Variants in PLEKHG1 observed in about 807,000 individuals in gnomAD.
The protein encoded by PLEKHG1 is pleckstrin homology domain-containing family G member 1.
Under a neutral mutation model 100.8 loss-of-function variants are expected in PLEKHG1, and 44 were observed. The ratio of observed to expected loss-of-function variants is 0.44; its 90% CI spans 0.34 to 0.56. The LOEUF (loss-of-function observed/expected upper bound fraction) is 0.56. Ranked by LOEUF, PLEKHG1 falls within the 20% of genes least tolerant of loss-of-function variation. PLEKHG1 has a pLI of 0.01. For synonymous variants in PLEKHG1, 640 were observed against 662.5 expected (o/e 0.97, Z 0.52); for missense variants, 1,545 against 1,720.9 (o/e 0.90, Z 1.81).
chr6:150,634,259 A>AAG (rs1168439899), intron 1 of PLEKHG1, among the ~76,000 whole-genome samples: 3 of 150,680 alleles, frequency 2.0e-5, no homozygotes, highest in Non-Finnish European at 4.4e-5. Flanking sequence ...CCAAAAAAAA[A>AAG]AAAGAAAAAA....
intron 3 of PLEKHG1, among the ~76,000 whole-genome samples, chr6:150,710,253 C>T (rs1301608033): frequency 3.3e-5 from 5 of 152,194 alleles, no homozygotes; most frequent in Non-Finnish European, 7.3e-5. Flanking sequence ...CTCAAATGCA[C>T]ATGGTCAGTT....
chr6:150,722,252 A>AT (rs1781720601), intron 1 of PLEKHG1, among the ~76,000 whole-genome samples: 1 of 149,986 alleles, frequency 6.7e-6, no homozygotes, highest in Non-Finnish European at 1.5e-5. Flanking sequence ...ACATTTAATC[A>AT]TTTTACATTG....
intron 3 of PLEKHG1, among the ~76,000 whole-genome samples, chr6:150,784,753 A>T (rs1384933793): frequency 6.6e-6 from 1 of 152,196 alleles, no homozygotes; most frequent in Admixed American, 6.5e-5. Context: ...AATGGTCTTT[A>T]TCTTGAAAAA....
intron 3 of PLEKHG1, among the ~76,000 whole-genome samples, chr6:150,708,761 A>G (rs754253502): frequency 6.6e-6 from 1 of 152,244 alleles, no homozygotes; most frequent in African/African-American, 2.4e-5. Context: ...CTGCTGTGCT[A>G]CTGCTATGTC....
intron 3 of PLEKHG1, among the ~76,000 whole-genome samples, chr6:150,682,882 G>C (rs985366758): frequency 2.0e-5 from 3 of 152,182 alleles, no homozygotes; most frequent in Admixed American, 6.5e-5. Context: ...AGCTCCTGGA[G>C]CACCACCCAC....
intron 2 of PLEKHG1, among the ~76,000 whole-genome samples, chr6:150,648,266 C>G (rs532003725): frequency 2.6e-5 from 4 of 152,066 alleles, no homozygotes; most frequent in Admixed American, 2.0e-4. Flanking sequence ...TATTCAACCT[C>G]GTCACCTGCT....
At chr6:150,623,995 T>C (rs1777412720) in intron 1 of PLEKHG1, among the ~76,000 whole-genome samples, 1 of 152,216 alleles carries the variant, frequency 6.6e-6, no homozygotes, top group Non-Finnish European at 1.5e-5. Context: ...TAACGCCTTA[T>C]CAGATTAATG....
intron 3 of PLEKHG1, among the ~76,000 whole-genome samples, chr6:150,697,306 A>G (rs6929935): frequency 0.07 from 10,658 of 152,016 alleles, 456 homozygotes; most frequent in South Asian, 0.17. Context: ...ACCAAAGAGC[A>G]TGTCATGTTG....
chr6:150,609,136 A>G (rs1474962971), intron 1 of PLEKHG1, among the ~76,000 whole-genome samples: 1 of 152,222 alleles, frequency 6.6e-6, no homozygotes, highest in South Asian at 2.1e-4. Flanking sequence ...TGACTGTAGT[A>G]GAGACCCAAT....
intron 14 of PLEKHG1, among the ~76,000 whole-genome samples, chr6:150,824,553 G>A (rs901786723): frequency 2.0e-5 from 3 of 149,322 alleles, no homozygotes; most frequent in African/African-American, 5.0e-5. Flanking sequence ...ACTGGATCTC[G>A]CTCTGTTGCC....
chr6:150,830,103 C>T (rs1776831874), intron 14 of PLEKHG1, among the ~76,000 whole-genome samples: 1 of 152,102 alleles, frequency 6.6e-6, no homozygotes, highest in African/African-American at 2.4e-5. Flanking sequence ...TGGGGTTAGA[C>T]CTGGGTTCTA....
At chr6:150,697,816 A>C (rs1219257248) in intron 3 of PLEKHG1, among the ~76,000 whole-genome samples, 1 of 152,214 alleles carries the variant, frequency 6.6e-6, no homozygotes, top group African/African-American at 2.4e-5. Flanking sequence ...GGAATCACAA[A>C]TGTCCCCACA....
intron 3 of PLEKHG1, among the ~76,000 whole-genome samples, chr6:150,713,935 T>A (rs766456219): frequency 1.3e-4 from 20 of 152,356 alleles, no homozygotes; most frequent in Middle Eastern, 3.4e-3. Context: ...TGGCTGTTAC[T>A]CTGAAACTAT....
chr6:150,788,191 A>C (rs1161495473), intron 4 of PLEKHG1, among the ~76,000 whole-genome samples: 1 of 152,260 alleles, frequency 6.6e-6, no homozygotes, highest in Non-Finnish European at 1.5e-5. Context: ...AAGTTTAATT[A>C]GAAGACTGAC....
At chr6:150,649,554 T>G (rs1337178043) in intron 2 of PLEKHG1, among the ~76,000 whole-genome samples, 1 of 152,344 alleles carries the variant, frequency 6.6e-6, no homozygotes, top group African/African-American at 2.4e-5. Flanking sequence ...TCTGCAAATG[T>G]TGAAATGTCT....
intron 6 of PLEKHG1, among the ~76,000 whole-genome samples, chr6:150,804,135 G>A (rs1259339127): frequency 1.9e-5 from 2 of 106,752 alleles, no homozygotes; most frequent in Non-Finnish European, 3.6e-5. Flanking sequence ...CTTAAAGAAT[G>A]ATGCTGGTGT....
chr6:150,673,496 G>A (rs1779642481), intron 3 of PLEKHG1, among the ~76,000 whole-genome samples: 1 of 152,150 alleles, frequency 6.6e-6, no homozygotes, highest in African/African-American at 2.4e-5. Context: ...ACACTTCTCA[G>A]CTCACCAGAT....
At chr6:150,789,578 C>A (rs1785843809) in intron 4 of PLEKHG1, among the ~76,000 whole-genome samples, 1 of 152,190 alleles carries the variant, frequency 6.6e-6, no homozygotes, top group Non-Finnish European at 1.5e-5. Flanking sequence ...TGATAGCTGG[C>A]TAGGAGTAAG....
exon 16 of PLEKHG1, chr6:150,840,957 C>A: frequency 2.4e-6 from 3 of 1,261,656 alleles, no homozygotes; most frequent in Non-Finnish European, 3.5e-6. Context: ...GTTACAGATA[C>A]TGATGAGGTG....
Sources: gnomAD v4.1 joint callset for allele counts (sites outside exome capture counted in the v4.1 genomes callset) on GRCh38, gnomAD v4.1.1 for gene constraint, MANE v1.5 for transcripts, NCBI Gene and HGNC (gene_info 2026-07-23, HGNC 2026-07-21) for gene names.